Variants in CD109 observed in about 807,000 individuals in gnomAD.
The protein encoded by CD109 is CD109 antigen.
A neutral mutation model predicts 165.8 loss-of-function variants in CD109; 149 were observed. The ratio of observed to expected loss-of-function variants is 0.90; its 90% CI spans 0.79 to 1.03. The LOEUF (loss-of-function observed/expected upper bound fraction) is 1.03, where lower values mean the gene tolerates loss of function less well. Among genes scored for constraint, CD109 ranks in the 50% least tolerant of loss-of-function variants. The pLI is 0.00. For synonymous variants in CD109, 585 were observed against 592.1 expected, an observed-to-expected ratio of 0.99 and a Z score of 0.18; for missense variants, 1,712 against 1,677.8, an observed-to-expected ratio of 1.02 and a Z score of -0.36.
At chr6:73,716,665 T>G (rs909281407) in intron 2 of CD109, among the ~76,000 whole-genome samples, 2 of 152,248 alleles carry the variant, frequency 1.3e-5, no homozygotes, top group African/African-American at 4.8e-5. Context: ...GAGTTCCTTA[T>G]GTGTTTTGGT....
At position 73,766,008 on chromosome 6, in the gene CD109, A is replaced by G; in HGVS notation, c.1186A>G (p.Arg396Gly). ...TAATGTAGTCATAACAGTGACACAGAGAAACTATACTGAGTACTGGAGCGG... is the reference window on the plus strand; with the variant it reads ...TAATGTAGTCATAACAGTGACACAGGGAAACTATACTGAGTACTGGAGCGG... The part of the protein sequence containing the change: ...RNNVVITVTQ[R>G]NYTEYWSGSN... The change falls in exon 11 of 33, where the codon AGA becomes GGA. Residue 396 changes from arginine (R) to glycine (G), a missense_variant. Coordinates refer to ENST00000287097, the MANE Select transcript of CD109 (RefSeq NM_133493.5). The G allele has an allele frequency of 1.9e-6, 3 of 1,614,132 alleles. No homozygotes were observed. The highest frequency in any genetic ancestry group is 2.5e-6 in the Non-Finnish European group (3 of 1,179,968).
At chr6:73,781,748 T>TGC (rs1774508633) in intron 17 of CD109, among the ~76,000 whole-genome samples, 1 of 145,612 alleles carries the variant, frequency 6.9e-6, no homozygotes, top group African/African-American at 2.6e-5. Flanking sequence ...AGTATTCTGG[T>TGC]ACACACACAC....
rs556061372 is a variant in CD109, at chr6:73,762,845, A to G, written c.960A>G (p.Pro320=). 3 of 1,612,372 alleles carry G rather than the reference A, an allele frequency of 1.9e-6. No homozygotes were observed. In the Middle Eastern group the frequency reaches 5.0e-4, roughly 266 times the overall value. The part of the protein sequence containing the change: ...SEYLDLSSPG[P]VEILTTVTES... ...ACCTGGATCTATCTTCCCCTGGACCAGTAGAAATTTTAACCACAGTGACAG... is the reference window on the plus strand; with the variant it reads ...ACCTGGATCTATCTTCCCCTGGACCGGTAGAAATTTTAACCACAGTGACAG... Residue 320 remains proline, a synonymous_variant, in exon 9 of 33, where the codon CCA becomes CCG. Transcript: ENST00000287097.
At chr6:73,697,674 A>G (rs935049660) in intron 2 of CD109, 102 bp downstream of exon 2, 1 of 931,384 alleles carries the variant, frequency 1.1e-6, no homozygotes. Context: ...CCAAATTTGC[A>G]GTATCTTACC....
chr6:73,800,510 A>G (rs1775324212), intron 23 of CD109, among the ~76,000 whole-genome samples: 1 of 152,198 alleles, frequency 6.6e-6, no homozygotes, highest in African/African-American at 2.4e-5. Flanking sequence ...ATTCCCCTAC[A>G]TGGTAGTTGT....
intron 24 of CD109, 34 bp downstream of exon 24, chr6:73,803,335 C>T (rs753773996): frequency 3.3e-6 from 5 of 1,527,436 alleles, no homozygotes; most frequent in Non-Finnish European, 3.6e-6. Context: ...AAATCCGTGT[C>T]ATGGAATGGG....
chr6:73,761,344 A>T lies in CD109; in HGVS notation c.759-1040A>T, dbSNP rs79069806. On this transcript the variant is annotated intron_variant, in intron 7 of 32. Transcript: ENST00000287097. The stretch of plus-strand genomic sequence containing the variant: ...TTTCTAGGAGTGAAAGATTTATGTA[A>T]TCTTTAAAAAATCTTTGGACAGGAA... 5.3e-3 allele frequency among the ~76,000 whole-genome samples: 811 copies of T among 152,232 alleles called. 11 individuals carry two copies. The highest frequency in any genetic ancestry group is 0.018 in the African/African-American group (765 of 41,534).
intron 14 of CD109, among the ~76,000 whole-genome samples, chr6:73,768,650 T>C (rs1773935013): frequency 6.6e-6 from 1 of 152,222 alleles, no homozygotes; most frequent in Admixed American, 6.5e-5. Context: ...TTCATTAATC[T>C]ATTTAATTAG....
At chr6:73,688,269 C>T in the CD109 span, among the ~76,000 whole-genome samples, 1 of 152,070 alleles carries the variant, frequency 6.6e-6, no homozygotes, top group South Asian at 2.1e-4. Flanking sequence ...TTGGTCTCTG[C>T]CCCCCAGTCC....
Position 73,803,229 on chromosome 6 carries a change from G to A in CD109, c.2888G>A (p.Arg963Lys). Residue 963 changes from arginine to lysine, a missense_variant, in exon 24 of 33, where the codon AGA becomes AAA. Physicochemically the swap from Arg to Lys is conservative, Grantham distance 26. Coordinates refer to ENST00000287097, the MANE Select transcript of CD109 (RefSeq NM_133493.5). ...ALSFMRQGYQ[R>K]ELLYQREDGS... ...CTATTTTTGTGTCTAGGTTACCAGA[G>A]AGAACTTCTCTATCAGAGGGAAGAT... 6.2e-7 allele frequency: 1 copy of A among 1,610,654 alleles called. No individual in the cohort carries two copies. Among genetic ancestry groups the A allele is most frequent in the Non-Finnish European group, 8.5e-7 (1 of 1,178,162 alleles).
At chr6:73,692,835 T>C (rs1014268876), upstream of CD109, among the ~76,000 whole-genome samples, 2 of 152,188 alleles carry the variant, frequency 1.3e-5, no homozygotes, top group African/African-American at 4.8e-5. Flanking sequence ...CATGTAAGAC[T>C]TGACTTTGCT....
chr6:73,812,838 T>G (rs1456042866), intron 29 of CD109, among the ~76,000 whole-genome samples: 1 of 152,076 alleles, frequency 6.6e-6, no homozygotes, highest in East Asian at 1.9e-4. Context: ...CATAAAAATA[T>G]TGAGGACTTT....
At chr6:73,740,872 T>A (rs779625885) in intron 5 of CD109, among the ~76,000 whole-genome samples, 64 of 152,280 alleles carry the variant, frequency 4.2e-4, no homozygotes, top group Admixed American at 2.5e-3. Context: ...ATTACAGGCA[T>A]GAGCCACTGT....
At chr6:73,744,711 T>C (rs1340910472) in intron 5 of CD109, among the ~76,000 whole-genome samples, 1 of 151,976 alleles carries the variant, frequency 6.6e-6, no homozygotes, top group African/African-American at 2.4e-5. Context: ...TCATGAGGAG[T>C]TCTTTGTTTT....
intron 30 of CD109, among the ~76,000 whole-genome samples, chr6:73,816,498 C>T (rs188177477): frequency 2.6e-5 from 4 of 152,184 alleles, no homozygotes; most frequent in Non-Finnish European, 2.9e-5. Flanking sequence ...GATCCTCCTG[C>T]GTTGGCCTCC....
the CD109 span, among the ~76,000 whole-genome samples, chr6:73,685,857 C>G: frequency 1.3e-5 from 2 of 152,178 alleles, no homozygotes; most frequent in African/African-American, 4.8e-5. Flanking sequence ...ATCATGTCAT[C>G]TTTGCAAACA....
chr6:73,749,879 C>G (rs1056194194), intron 5 of CD109, among the ~76,000 whole-genome samples: 1 of 152,084 alleles, frequency 6.6e-6, no homozygotes, highest in African/African-American at 2.4e-5. Context: ...AAAAGTATGA[C>G]ATGATTAAAG....
chr6:73,773,138 C>G (rs1279646500), intron 15 of CD109, among the ~76,000 whole-genome samples: 1 of 150,786 alleles, frequency 6.6e-6, no homozygotes, highest in Non-Finnish European at 1.5e-5. Flanking sequence ...TACACACACA[C>G]CCCATCTGAT....
chr6:73,785,582 C>T, intron 20 of CD109, 105 bp downstream of exon 20: 1 of 591,530 alleles, frequency 1.7e-6, no homozygotes, highest in South Asian at 2.4e-5. Flanking sequence ...ATTCTAAGCA[C>T]TTTATACATT....
Sources: gnomAD v4.1 joint callset for allele counts (sites outside exome capture counted in the v4.1 genomes callset) on GRCh38, gnomAD v4.1.1 for gene constraint, MANE v1.5 for transcripts, NCBI Gene and HGNC (gene_info 2026-07-23, HGNC 2026-07-21) for gene names.